Variants in GABRA2 observed in about 807,000 individuals in gnomAD.
The protein encoded by GABRA2 is gamma-aminobutyric acid type A receptor subunit alpha2.
In GABRA2, 16 loss-of-function variants were observed where a neutral mutation model predicts 48.7. The observed-to-expected ratio is 0.33, with a 90% CI of 0.22 to 0.50. The LOEUF (loss-of-function observed/expected upper bound fraction) is 0.50. GABRA2 is among the 20% of genes least tolerant of loss of function. The probability of loss-of-function intolerance (pLI) is 0.98; values close to 1 mark genes in which losing one functional copy is unlikely to be tolerated. For synonymous variants in GABRA2, 185 were observed against 184.5 expected, an observed-to-expected ratio of 1.00 and a Z score of -0.02; for missense variants, 275 against 535.6, an observed-to-expected ratio of 0.51 and a Z score of 4.80.
chr4:46,359,105 T>A (rs367990997), intron 3 of GABRA2, among the ~76,000 whole-genome samples: 1 of 152,176 alleles, frequency 6.6e-6, no homozygotes. Context: ...ATAAAGATAG[T>A]AAGCAGCAGA....
chr4:46,318,026 A>T (rs1043007466), intron 4 of GABRA2, among the ~76,000 whole-genome samples: 3 of 151,738 alleles, frequency 2.0e-5, no homozygotes, highest in East Asian at 3.9e-4. Flanking sequence ...ACTAACCAAT[A>T]GCCAATGACA....
Position 46,372,119 on chromosome 4 carries a change from AAAG to A in GABRA2, c.187+13952_187+13954del, listed in dbSNP as rs1423183430. 2.9e-4 allele frequency among the ~76,000 whole-genome samples: 44 copies of A among 152,226 alleles called. 1 individual carries two copies. The highest frequency in any genetic ancestry group is 1.9e-4 in the East Asian group (1 of 5,194). On this transcript the variant is annotated intron_variant, in intron 3 of 9. Coordinates refer to ENST00000381620, the MANE Select transcript of GABRA2 (RefSeq NM_000807.4). ...TACAAAGTAAGAAATGGAGGCACTG[AAAG>A]AAGAAGTAACTTTTCTATTAGAGAG...
intron 4 of GABRA2, among the ~76,000 whole-genome samples, chr4:46,320,259 T>A (rs1324100039): frequency 6.6e-6 from 1 of 151,768 alleles, no homozygotes; most frequent in African/African-American, 2.4e-5. Context: ...AAATTGGACA[T>A]CTATCTTATC....
intron 8 of GABRA2, among the ~76,000 whole-genome samples, chr4:46,293,325 G>T (rs1042996658): frequency 6.6e-6 from 1 of 152,140 alleles, no homozygotes; most frequent in African/African-American, 2.4e-5. Flanking sequence ...CCACACTACC[G>T]ACAATTCATG....
chr4:46,247,183 G>A lies in GABRA2; in HGVS notation c.*3125C>T, dbSNP rs1713867597. Reference sequence around the variant, plus strand: ...AAAAGATTTCTAAACATTAAGATTGGCACTTAATAAAATCATTAAAATTTA... The same window carrying A: ...AAAAGATTTCTAAACATTAAGATTGACACTTAATAAAATCATTAAAATTTA... On this transcript the variant is annotated 3_prime_UTR_variant, in exon 10 of 10. Transcript: ENST00000381620. Among the ~76,000 whole-genome samples, 2 of 150,838 alleles carry A rather than the reference G, an allele frequency of 1.3e-5. No individual in the cohort carries two copies. Among genetic ancestry groups the A allele is most frequent in the African/African-American group, 2.4e-5 (1 of 41,218 alleles).
intron 3 of GABRA2, among the ~76,000 whole-genome samples, chr4:46,355,856 G>A (rs1386630939): frequency 2.0e-5 from 3 of 151,990 alleles, no homozygotes; most frequent in Non-Finnish European, 4.4e-5. Context: ...CTCTTTAAGG[G>A]TCTTTCTAAC....
In GABRA2 at chr4:46,303,504, G is replaced by A; in HGVS notation, c.812C>T (p.Ser271Leu). ...CIMTVILSQV[S>L]FWLNRESVPA... Reference sequence around the variant, plus strand: ...CACAGATTCTCTGTTAAGCCAGAATGAAACTTGGGAGAGAATGACAGTCAT... The same window carrying A: ...CACAGATTCTCTGTTAAGCCAGAATAAAACTTGGGAGAGAATGACAGTCAT... Residue 271 changes from serine to leucine, a missense_variant, in exon 8 of 10, where the codon TCA becomes TTA. Coordinates refer to ENST00000381620, the MANE Select transcript of GABRA2 (RefSeq NM_000807.4). The A allele has an allele frequency of 6.2e-7, 1 of 1,614,098 alleles. No individual in the cohort carries two copies. The highest frequency in any genetic ancestry group is 1.1e-5 in the South Asian group (1 of 91,080).
chr4:46,247,535 A>G lies in GABRA2; in HGVS notation c.*2773T>C, dbSNP rs1259867830. On this transcript the variant is annotated 3_prime_UTR_variant, in exon 10 of 10. Coordinates refer to ENST00000381620, the MANE Select transcript of GABRA2 (RefSeq NM_000807.4). ...TAAATCAGAGTAGTAGCTATAAAAT[A>G]ATGAGATTATATCTCTATATATGTA... Among the ~76,000 whole-genome samples the G allele has an allele frequency of 1.3e-5, 2 of 151,232 alleles. No homozygotes were observed. Among genetic ancestry groups the G allele is most frequent in the African/African-American group, 2.4e-5 (1 of 41,360 alleles).
At position 46,311,283 on chromosome 4, in the gene GABRA2, A is replaced by T. The variant is rs189576633; in HGVS notation, c.477-1028T>A. 4.7e-4 allele frequency among the ~76,000 whole-genome samples: 72 copies of T among 152,224 alleles called. No individual in the cohort carries two copies. The East Asian group carries it at 0.012, about 25-fold the overall frequency. ...ACATTTAGTAATGAGTCCTCAAGAAATTTTTTCTTTAAAGATCAGAAATAG... is the reference window on the plus strand; with the variant it reads ...ACATTTAGTAATGAGTCCTCAAGAATTTTTTTCTTTAAAGATCAGAAATAG... On this transcript the variant is annotated intron_variant, in intron 5 of 9. Coordinates refer to ENST00000381620, the MANE Select transcript of GABRA2 (RefSeq NM_000807.4).
intron 8 of GABRA2, among the ~76,000 whole-genome samples, chr4:46,276,063 G>A (rs1443138406): frequency 2.6e-5 from 4 of 151,930 alleles, no homozygotes; most frequent in African/African-American, 7.3e-5. Flanking sequence ...AAGCTTAAAT[G>A]AAGAAAATAA....
chr4:46,383,154 C>T (rs1267233968), intron 3 of GABRA2, among the ~76,000 whole-genome samples: 1 of 152,094 alleles, frequency 6.6e-6, no homozygotes, highest in Non-Finnish European at 1.5e-5. Context: ...TATTAACTGT[C>T]CACTAAATGC....
chr4:46,338,151 G>C (rs1242125824), intron 3 of GABRA2, among the ~76,000 whole-genome samples: 1 of 151,848 alleles, frequency 6.6e-6, no homozygotes, highest in African/African-American at 2.4e-5. Flanking sequence ...TACATGTAGA[G>C]TTGAAAAGAG....
chr4:46,265,102 C>A (rs1717859426), intron 8 of GABRA2, among the ~76,000 whole-genome samples: 1 of 149,790 alleles, frequency 6.7e-6, no homozygotes, highest in Admixed American at 6.7e-5. Context: ...GTAGTGTGAT[C>A]TTAGCTCACT....
At chr4:46,298,975 T>A (rs961507061) in intron 8 of GABRA2, among the ~76,000 whole-genome samples, 1 of 151,240 alleles carries the variant, frequency 6.6e-6, no homozygotes, top group African/African-American at 2.4e-5. Flanking sequence ...TTTTAAAAGA[T>A]CATATATTAT....
chr4:46,342,006 G>A (rs1733323635), intron 3 of GABRA2, among the ~76,000 whole-genome samples: 1 of 152,018 alleles, frequency 6.6e-6, no homozygotes, highest in African/African-American at 2.4e-5. Context: ...AGGTCAAATG[G>A]TGACAGTTTG....
chr4:46,386,303 C>T (rs988735238), intron 2 of GABRA2, 114 bp from the exon 3 acceptor site: 16 of 604,962 alleles, frequency 2.6e-5, no homozygotes, highest in Admixed American at 1.1e-4. Context: ...TAGTACCACC[C>T]GTTTTCCTCC....
At chr4:46,349,941 C>G (rs1368481028) in intron 3 of GABRA2, among the ~76,000 whole-genome samples, 1 of 151,592 alleles carries the variant, frequency 6.6e-6, no homozygotes, top group African/African-American at 2.4e-5. Context: ...AAGTAGCAAC[C>G]CTTAAGTACT....
At chr4:46,302,178 C>T (rs1466058669) in intron 8 of GABRA2, among the ~76,000 whole-genome samples, 2 of 151,892 alleles carry the variant, frequency 1.3e-5, no homozygotes, top group Non-Finnish European at 2.9e-5. Flanking sequence ...AAGCGATCCT[C>T]CTGCCTCAGC....
chr4:46,274,235 C>T (rs1720054616), intron 8 of GABRA2, among the ~76,000 whole-genome samples: 1 of 151,954 alleles, frequency 6.6e-6, no homozygotes, highest in Non-Finnish European at 1.5e-5. Context: ...AGGTGTAGTA[C>T]CTTACTGAAG....
Sources: gnomAD v4.1 joint callset for allele counts (sites outside exome capture counted in the v4.1 genomes callset) on GRCh38, gnomAD v4.1.1 for gene constraint, MANE v1.5 for transcripts, NCBI Gene and HGNC (gene_info 2026-07-23, HGNC 2026-07-21) for gene names.